Variants in TAFA2 observed in about 807,000 individuals in gnomAD.
TAFA2 encodes the protein chemokine-like protein TAFA-2.
In TAFA2, 7 loss-of-function variants were observed where a neutral mutation model predicts 18.8. The ratio of observed to expected loss-of-function variants is 0.37; its 90% CI spans 0.21 to 0.70. The LOEUF is 0.70. TAFA2 is among the 30% of genes least tolerant of loss of function. TAFA2 has a pLI of 0.53. For synonymous variants in TAFA2, 60 were observed against 54.2 expected (o/e 1.11, Z -0.47); for missense variants, 122 against 158.1 (o/e 0.77, Z 1.23).
At chr12:62,080,521 A>G (rs1868302757) in intron 1 of TAFA2, among the ~76,000 whole-genome samples, 1 of 88,252 alleles carries the variant, frequency 1.1e-5, no homozygotes, top group South Asian at 3.8e-4. Context: ...GAAAGAAAAG[A>G]AAAAAAAAAA....
intron 1 of TAFA2, among the ~76,000 whole-genome samples, chr12:61,985,256 T>C (rs1879773294): frequency 6.6e-6 from 1 of 152,192 alleles, no homozygotes; most frequent in Admixed American, 6.5e-5. Context: ...CTAAAGATTT[T>C]TGAAAAAAGA....
intron 1 of TAFA2, among the ~76,000 whole-genome samples, chr12:62,105,325 CA>C (rs1304888767): frequency 6.6e-6 from 1 of 152,096 alleles, no homozygotes; most frequent in Non-Finnish European, 1.5e-5. Context: ...TGTATTTCAC[CA>C]GGGGGAAAAA....
At chr12:61,860,132 A>G (rs1374479688) in intron 2 of TAFA2, among the ~76,000 whole-genome samples, 1 of 152,214 alleles carries the variant, frequency 6.6e-6, no homozygotes, top group East Asian at 1.9e-4. Flanking sequence ...AATATGTATA[A>G]CATGTTTATG....
intron 1 of TAFA2, among the ~76,000 whole-genome samples, chr12:61,957,529 T>C (rs1162531192): frequency 1.3e-5 from 2 of 152,054 alleles, no homozygotes; most frequent in African/African-American, 2.4e-5. Context: ...GATATCAAAG[T>C]TGATCAAGTA....
At chr12:62,030,010 G>T (rs1438163868) in intron 1 of TAFA2, among the ~76,000 whole-genome samples, 1 of 152,070 alleles carries the variant, frequency 6.6e-6, no homozygotes, top group African/African-American at 2.4e-5. Context: ...GGTCTCATCT[G>T]GCTCCTCATG....
chr12:62,012,258 AAT>A (rs1229506645), intron 1 of TAFA2, among the ~76,000 whole-genome samples: 1 of 152,168 alleles, frequency 6.6e-6, no homozygotes, highest in Non-Finnish European at 1.5e-5. Flanking sequence ...TTAAAACTTT[AAT>A]AAATCTGTTT....
Position 61,940,869 on chromosome 12 carries a change from G to C in TAFA2, c.-1-73443C>G, listed in dbSNP as rs967685853. 1.1e-4 allele frequency among the ~76,000 whole-genome samples: 17 copies of C among 152,082 alleles called. 1 individual carries two copies. Among genetic ancestry groups the C allele is most frequent in the African/African-American group, 3.9e-4 (16 of 41,406 alleles). On this transcript the variant is annotated intron_variant, in intron 1 of 4. Transcript: ENST00000416284. The stretch of plus-strand genomic sequence containing the variant: ...TATGAGCTTTTCATTTGGCTGCATT[G>C]AGGGAAACGGTAGTAATTTATTTAA...
chr12:61,941,512 G>A (rs1022803862), intron 1 of TAFA2, among the ~76,000 whole-genome samples: 58 of 152,286 alleles, frequency 3.8e-4, no homozygotes, highest in East Asian at 3.1e-3. Context: ...AGCAGAAGAC[G>A]GGTGATTTCT....
intron 1 of TAFA2, among the ~76,000 whole-genome samples, chr12:62,147,503 G>A (rs904172052): frequency 3.3e-5 from 5 of 150,360 alleles, no homozygotes; most frequent in African/African-American, 9.7e-5. Context: ...GCTGAGGCGG[G>A]CAGATCACAA....
At chr12:62,221,847 G>T (rs1298303919) in intron 1 of TAFA2, among the ~76,000 whole-genome samples, 1 of 152,086 alleles carries the variant, frequency 6.6e-6, no homozygotes, top group Non-Finnish European at 1.5e-5. Context: ...TTAAGGTAAA[G>T]AATTTATGTT....
chr12:62,212,460 C>T (rs1388286950), intron 1 of TAFA2, among the ~76,000 whole-genome samples: 1 of 152,180 alleles, frequency 6.6e-6, no homozygotes, highest in Non-Finnish European at 1.5e-5. Context: ...CCCAGGGATA[C>T]CCTCTAGGAA....
chr12:61,820,117 C>T (rs1178220847), intron 2 of TAFA2, among the ~76,000 whole-genome samples: 1 of 151,978 alleles, frequency 6.6e-6, no homozygotes, highest in African/African-American at 2.4e-5. Context: ...ATCAGTTTGT[C>T]CCACCCCAAC....
At chr12:61,829,183 T>C (rs1233666172) in intron 2 of TAFA2, among the ~76,000 whole-genome samples, 1 of 151,714 alleles carries the variant, frequency 6.6e-6, no homozygotes, top group Non-Finnish European at 1.5e-5. Flanking sequence ...TATAAGAAGG[T>C]AGATATTTTA....
intron 1 of TAFA2, among the ~76,000 whole-genome samples, chr12:61,951,319 A>C (rs1048377464): frequency 6.6e-6 from 1 of 152,184 alleles, no homozygotes; most frequent in Non-Finnish European, 1.5e-5. Context: ...TATGTTTTGA[A>C]AGATTTTGTA....
intron 2 of TAFA2, among the ~76,000 whole-genome samples, chr12:61,836,756 T>TATATATATATACACAC (rs68158949): frequency 1.7e-5 from 2 of 119,842 alleles, no homozygotes; most frequent in African/African-American, 5.5e-5. Context: ...TATATATATA[T>TATATATATATACACAC]ACACACACAC....
intron 1 of TAFA2, among the ~76,000 whole-genome samples, chr12:62,002,131 C>T (rs74908221): frequency 0.064 from 9,787 of 152,152 alleles, 407 homozygotes; most frequent in Non-Finnish European, 0.1. Context: ...AAGGTCACTG[C>T]AATTAGGTCC....
At chr12:62,006,295 G>A (rs1395049124) in intron 1 of TAFA2, among the ~76,000 whole-genome samples, 3 of 152,048 alleles carry the variant, frequency 2.0e-5, no homozygotes, top group Admixed American at 6.6e-5. Flanking sequence ...GTTGACAAAG[G>A]CAAACAGGGT....
intron 1 of TAFA2, chr12:62,235,199 G>A (rs1379850647): frequency 4.5e-6 from 3 of 663,804 alleles, no homozygotes; most frequent in Non-Finnish European, 8.5e-6. Context: ...GGAAAGGAGT[G>A]GGAGTCGCTT....
chr12:62,021,916 T>C, intron 1 of TAFA2: 3 of 740,462 alleles, frequency 4.1e-6, no homozygotes, highest in Admixed American at 3.5e-5. Flanking sequence ...GGCCCCACTC[T>C]CCATGATGAA....
Sources: gnomAD v4.1 joint callset for allele counts (sites outside exome capture counted in the v4.1 genomes callset) on GRCh38, gnomAD v4.1.1 for gene constraint, MANE v1.5 for transcripts, NCBI Gene and HGNC (gene_info 2026-07-23, HGNC 2026-07-21) for gene names.